The following SUSD1 variants were observed in gnomAD, a reference collection of about 807,000 sequenced individuals.
The protein encoded by SUSD1 is sushi domain containing 1, also known as sushi domain-containing protein 1.
In SUSD1, 65 loss-of-function variants were observed where a neutral mutation model predicts 86.9. The ratio of observed to expected loss-of-function variants is 0.75; its 90% CI spans 0.61 to 0.92. The LOEUF (loss-of-function observed/expected upper bound fraction) is 0.92. Among genes scored for constraint, SUSD1 ranks in the 40% least tolerant of loss-of-function variants. The probability of loss-of-function intolerance (pLI) is 0.00; values close to 1 mark genes in which losing one functional copy is unlikely to be tolerated. For missense variants in SUSD1, 850 were observed against 929.7 expected, an observed-to-expected ratio of 0.91 and a Z score of 1.11; for synonymous variants, 346 against 350.0, an observed-to-expected ratio of 0.99 and a Z score of 0.13.
chr9:112,150,306 T>G (rs1033609986), intron 2 of SUSD1, among the ~76,000 whole-genome samples: 5 of 152,156 alleles, frequency 3.3e-5, no homozygotes, highest in Non-Finnish European at 5.9e-5. Flanking sequence ...TGTGACCAAA[T>G]TGTTTATGCA....
chr9:112,089,671 G>A (rs1830120992), intron 10 of SUSD1, among the ~76,000 whole-genome samples: 1 of 152,028 alleles, frequency 6.6e-6, no homozygotes, highest in African/African-American at 2.4e-5. Context: ...AATTAGCTGG[G>A]CGTGGTGGTA....
Position 112,124,237 on chromosome 9 carries a change from G to T in SUSD1, c.886+20C>A. The T allele has an allele frequency of 6.3e-7, 1 of 1,597,218 alleles. No homozygotes were observed. The highest frequency in any genetic ancestry group is 8.5e-7 in the Non-Finnish European group (1 of 1,170,114). ...GCTGTTTTGTTCCTGGGTAGCAGGA[G>T]CCCAGAACAGAATCTGTACCTGTGC... is the stretch of plus-strand genomic sequence containing the variant. On this transcript the variant is annotated intron_variant, in intron 6 of 16. Transcript: ENST00000374270.
At chr9:112,092,481 G>A (rs1830242426) in intron 10 of SUSD1, among the ~76,000 whole-genome samples, 1 of 152,166 alleles carries the variant, frequency 6.6e-6, no homozygotes, top group Non-Finnish European at 1.5e-5. Flanking sequence ...ACAATGCAAT[G>A]GTTCCCTTTC....
chr9:112,049,583 T>G (rs956742182), intron 15 of SUSD1, among the ~76,000 whole-genome samples: 1 of 152,204 alleles, frequency 6.6e-6, no homozygotes, highest in Non-Finnish European at 1.5e-5. Context: ...AATTTGTCAC[T>G]GGGCAAAGGC....
At chr9:112,075,732 G>A (rs975277158) in intron 12 of SUSD1, among the ~76,000 whole-genome samples, 1 of 152,130 alleles carries the variant, frequency 6.6e-6, no homozygotes, top group Admixed American at 6.5e-5. Context: ...GTGACAGAGT[G>A]AGACCCTATC....
At chr9:112,143,939 A>T (rs1328361510) in intron 3 of SUSD1, among the ~76,000 whole-genome samples, 1 of 152,110 alleles carries the variant, frequency 6.6e-6, no homozygotes, top group African/African-American at 2.4e-5. Flanking sequence ...AAATATATCC[A>T]ATCACTAAAA....
At chr9:112,130,334 C>A (rs1831962125) in intron 5 of SUSD1, among the ~76,000 whole-genome samples, 1 of 150,176 alleles carries the variant, frequency 6.7e-6, no homozygotes, top group African/African-American at 2.4e-5. Flanking sequence ...GAATGCACCA[C>A]TGCACTCCAG....
At chr9:112,055,399 C>T (rs1475297615) in intron 14 of SUSD1, among the ~76,000 whole-genome samples, 16 of 152,116 alleles carry the variant, frequency 1.1e-4, no homozygotes, top group Admixed American at 1.0e-3. Context: ...TGCACTTCAG[C>T]CTGGTAAACA....
intron 8 of SUSD1, among the ~76,000 whole-genome samples, chr9:112,110,097 C>T (rs924425183): frequency 6.6e-6 from 1 of 152,078 alleles, no homozygotes; most frequent in African/African-American, 2.4e-5. Context: ...GCCTATAATC[C>T]CAGCACTTTG....
intron 9 of SUSD1, among the ~76,000 whole-genome samples, chr9:112,099,091 C>A (rs1830522419): frequency 6.6e-6 from 1 of 150,900 alleles, no homozygotes; most frequent in African/African-American, 2.4e-5. Flanking sequence ...GTTCTGTCAC[C>A]CAGGCTGGAG....
chr9:112,112,017 A>C (rs1443721190), intron 7 of SUSD1, 177 bp from the exon 8 acceptor site: 5 of 598,120 alleles, frequency 8.4e-6, no homozygotes, highest in Non-Finnish European at 1.4e-5. Flanking sequence ...TGAATATTAA[A>C]CCCCTAGAGG....
intron 10 of SUSD1, among the ~76,000 whole-genome samples, chr9:112,090,392 C>A (rs1336505016): frequency 6.6e-6 from 1 of 152,118 alleles, no homozygotes; most frequent in Admixed American, 6.5e-5. Context: ...AAGCCCCATA[C>A]CCAGATCATT....
At chr9:112,058,387 A>G in intron 14 of SUSD1, 41 bp downstream of exon 14, 1 of 1,588,646 alleles carries the variant, frequency 6.3e-7, no homozygotes, top group Non-Finnish European at 8.6e-7. Context: ...TCATACGAAG[A>G]AGAAAATACA....
intron 10 of SUSD1, among the ~76,000 whole-genome samples, chr9:112,093,445 C>T (rs1457330782): frequency 6.6e-6 from 1 of 152,200 alleles, no homozygotes; most frequent in Admixed American, 6.5e-5. Flanking sequence ...CGGCCTGAGA[C>T]TGGGTGGGTA....
chr9:112,087,938 G>C (rs1400123739), intron 10 of SUSD1, among the ~76,000 whole-genome samples: 2 of 152,142 alleles, frequency 1.3e-5, no homozygotes, highest in Non-Finnish European at 2.9e-5. Context: ...AAAACTATTA[G>C]ATTTTAAAGA....
intron 2 of SUSD1, among the ~76,000 whole-genome samples, chr9:112,155,408 T>G (rs1232399868): frequency 6.6e-6 from 1 of 152,014 alleles, no homozygotes; most frequent in Non-Finnish European, 1.5e-5. Context: ...TTAGGAGAAA[T>G]TCCCCCTGGA....
rs886724982 is a variant in SUSD1 at position 112,052,283 on chromosome 9, A to C, written c.2149+116T>G. 7 of 1,589,210 alleles carry C rather than the reference A, an allele frequency of 4.4e-6. No individual in the cohort carries two copies. In the Admixed American group the frequency reaches 6.9e-5, roughly 16 times the overall value. On this transcript the variant is annotated intron_variant, in intron 15 of 16. Coordinates refer to ENST00000374270, the MANE Select transcript of SUSD1 (RefSeq NM_022486.5). ...AGCTATGAAGCTCTTTGCTTAAAGT[A>C]GTATGAATTGGGTTCTGGTCACCAG...
At position 112,159,319 on chromosome 9, in the gene SUSD1, A is replaced by G. The variant is rs181107690; in HGVS notation, c.104-1706T>C. On this transcript the variant is annotated intron_variant, in intron 1 of 16. Transcript: ENST00000374270. The stretch of plus-strand genomic sequence containing the variant: ...CACTGTTACCCAGGTAAGACAGCCT[A>G]GCCCTTAGGCTGCTCCAGGCATGAA... Among the ~76,000 whole-genome samples, 7 of 152,328 alleles carry G rather than the reference A, an allele frequency of 4.6e-5. No individual in the cohort carries two copies. The East Asian group carries it at 1.3e-3, about 29-fold the overall frequency.
At chr9:112,099,640 A>C (rs1002003548) in intron 9 of SUSD1, among the ~76,000 whole-genome samples, 9 of 152,190 alleles carry the variant, frequency 5.9e-5, no homozygotes, top group African/African-American at 1.7e-4. Flanking sequence ...ACTTTCGTGA[A>C]GGTCCTATAA....
Sources: gnomAD v4.1 joint callset for allele counts (sites outside exome capture counted in the v4.1 genomes callset) on GRCh38, gnomAD v4.1.1 for gene constraint, MANE v1.5 for transcripts, NCBI Gene and HGNC (gene_info 2026-07-23, HGNC 2026-07-21) for gene names.